Variants in APLNR observed in about 807,000 individuals in gnomAD.
The protein encoded by APLNR is apelin receptor, also known as APJ (apelin) receptor.
Under a neutral mutation model 23.4 loss-of-function variants are expected in APLNR, and 13 were observed. The observed-to-expected ratio is 0.56, with a 90% CI of 0.36 to 0.88. The LOEUF (loss-of-function observed/expected upper bound fraction) is 0.88, where lower values mean the gene tolerates loss of function less well. Among genes scored for constraint, APLNR ranks in the 40% least tolerant of loss-of-function variants. APLNR has a pLI of 0.01. For synonymous variants in APLNR, 234 were observed against 211.9 expected (o/e 1.10, Z -0.91); for missense variants, 480 against 517.1 (o/e 0.93, Z 0.70).
At position 57,236,648 on chromosome 11, in the gene APLNR, G is replaced by A. The variant is rs1855019804; in HGVS notation, c.357C>T (p.Cys119=). Residue 119 remains cysteine, a synonymous_variant, in exon 1 of 1, where the codon TGC becomes TGT. Transcript: ENST00000606794. ...AGCGGTCGAAGCTGAGGCCGGTGAGGCAGAAGACGCTGGCGTACATGTTGA... is the reference window on the plus strand; with the variant it reads ...AGCGGTCGAAGCTGAGGCCGGTGAGACAGAAGACGCTGGCGTACATGTTGA... The part of the protein sequence containing the change: ...IFVNMYASVF[C]LTGLSFDRYL... 6.2e-7 allele frequency: 1 copy of A among 1,607,920 alleles called. No individual in the cohort carries two copies. Among genetic ancestry groups the A allele is most frequent in the Admixed American group, 1.7e-5 (1 of 59,520 alleles).
chr11:57,236,767 C>A lies in APLNR; in HGVS notation c.238G>T (p.Val80Leu). The change falls in exon 1 of 1, where the codon GTG becomes TTG. Residue 80 changes from valine to leucine, a missense_variant. Physicochemically the swap from Val to Leu is conservative, Grantham distance 32 (BLOSUM62 1). Coordinates refer to ENST00000606794, the MANE Select transcript of APLNR (RefSeq NM_005161.6). ...SLAVADLTFV[V>L]TLPLWATYTY... Reference sequence around the variant, plus strand: ...TAGGTAGCCCACAGGGGCAGCGTCACCACGAAGGTCAGGTCAGCCACCGCC... The same window carrying A: ...TAGGTAGCCCACAGGGGCAGCGTCAACACGAAGGTCAGGTCAGCCACCGCC... 6.2e-7 allele frequency: 1 copy of A among 1,614,160 alleles called. No homozygotes were observed. Among genetic ancestry groups the A allele is most frequent in the South Asian group, 1.1e-5 (1 of 91,086 alleles).
chr11:57,234,377 A>G lies in APLNR; in HGVS notation c.*1485T>C, dbSNP rs1022676346. The G allele has an allele frequency of 5.9e-5, 9 of 152,262 alleles. No homozygotes were observed. The highest frequency in any genetic ancestry group is 1.9e-4 in the African/African-American group (8 of 41,436). The allele number at this position is 152,262 out of a possible 1,614,324, so 9.4% of individuals were successfully genotyped here. The stretch of plus-strand genomic sequence containing the variant: ...CGGAAAGGGGCCAAGGGAGGCTCTC[A>G]ACTAGCCTCTTACTTCCTTCATGGA... On this transcript the variant is annotated 3_prime_UTR_variant, in exon 1 of 1. Coordinates refer to ENST00000606794, the MANE Select transcript of APLNR (RefSeq NM_005161.6).
Position 57,236,928 on chromosome 11 carries a change from G to A in APLNR, c.77C>T (p.Ser26Phe). Residue 26 changes from serine (S) to phenylalanine (F), a missense_variant, in exon 1 of 1, where the codon TCC becomes TTC. Transcript: ENST00000606794. ...GATGGCAGGGATGAGGGCCCCCGAGGATTTCCAGTCTGTGTACTCACACTC... is the reference window on the plus strand; with the variant it reads ...GATGGCAGGGATGAGGGCCCCCGAGAATTTCCAGTCTGTGTACTCACACTC... ...QSECEYTDWK[S>F]SGALIPAIYM... is the part of the protein sequence containing the mutation. 1 of 1,613,926 alleles carries A rather than the reference G, an allele frequency of 6.2e-7. No homozygotes were observed. The highest frequency in any genetic ancestry group is 8.5e-7 in the Non-Finnish European group (1 of 1,179,988).
rs147023435 is a variant in APLNR at position 57,235,836 on chromosome 11, C to A, written c.*26G>T. The A allele has an allele frequency of 1.3e-6, 2 of 1,569,722 alleles. No individual in the cohort carries two copies. Among genetic ancestry groups the A allele is most frequent in the East Asian group, 2.2e-5 (1 of 44,604 alleles). ...GGCAAAGGCCGGGGAGGGCCGAGGGCGCCAGGCTTCTCTCTGCTCCCAGCC... is the reference window on the plus strand; with the variant it reads ...GGCAAAGGCCGGGGAGGGCCGAGGGAGCCAGGCTTCTCTCTGCTCCCAGCC... On this transcript the variant is annotated 3_prime_UTR_variant, in exon 1 of 1. Coordinates refer to ENST00000606794, the MANE Select transcript of APLNR (RefSeq NM_005161.6).
rs1380549490 is a variant in APLNR at position 57,236,823 on chromosome 11, C to T, written c.182G>A (p.Arg61Lys). ...WTVFRSSREK[R>K]RSADIFIASL... The stretch of plus-strand genomic sequence containing the variant: ...AGCAATGAAGATATCAGCTGAGCGC[C>T]TCTTCTCCCGGCTGCTCCGAAACAC... Residue 61 changes from arginine to lysine, a missense_variant, in exon 1 of 1, where the codon AGG (arginine) becomes AAG (lysine). Physicochemically the swap from Arg to Lys is conservative, Grantham distance 26. Coordinates refer to ENST00000606794, the MANE Select transcript of APLNR (RefSeq NM_005161.6). 6.2e-7 allele frequency: 1 copy of T among 1,614,242 alleles called. No individual in the cohort carries two copies. Among genetic ancestry groups the T allele is most frequent in the Non-Finnish European group, 8.5e-7 (1 of 1,180,056 alleles).
chr11:57,236,242 C>T lies in APLNR; in HGVS notation c.763G>A (p.Val255Met). 6.2e-7 allele frequency: 1 copy of T among 1,613,948 alleles called. No individual in the cohort carries two copies. Among genetic ancestry groups the T allele is most frequent in the Non-Finnish European group, 8.5e-7 (1 of 1,179,896 alleles). The part of the protein sequence containing the change: ...RLLSIIVVLV[V>M]TFALCWMPYH... Reference sequence around the variant, plus strand: ...GGCATCCAGCACAGGGCAAAGGTCACCACCAGCACCACGATGATGCTGAGC... The same window carrying T: ...GGCATCCAGCACAGGGCAAAGGTCATCACCAGCACCACGATGATGCTGAGC... Residue 255 changes from valine to methionine, a missense_variant, in exon 1 of 1, where the codon GTG (valine) becomes ATG (methionine). Val to Met is a conservative substitution (Grantham distance 21). Transcript: ENST00000606794.
chr11:57,234,130 A>G lies in APLNR; in HGVS notation c.*1732T>C, dbSNP rs1158782846. On this transcript the variant is annotated 3_prime_UTR_variant, in exon 1 of 1. Coordinates refer to ENST00000606794, the MANE Select transcript of APLNR (RefSeq NM_005161.6). The stretch of plus-strand genomic sequence containing the variant: ...CCTCACGGTCTCTCTGGCAGTGTAG[A>G]CATCATGCTATCTGCACACTTGCTC... 1 of 152,306 alleles carries G rather than the reference A, an allele frequency of 6.6e-6. No homozygotes were observed. Among genetic ancestry groups the G allele is most frequent in the Admixed American group, 6.5e-5 (1 of 15,290 alleles). 9.4% of individuals were successfully genotyped at this position (152,306 alleles called of 1,614,324 possible). A position where few individuals can be genotyped will look rare whatever the true frequency, so the allele number is the denominator to read the frequency against.
chr11:57,237,127 A>T lies in APLNR; in HGVS notation c.-123T>A. ...CCTCAGAGAGTAAGAAGGGCTGAAG[A>T]TGCCCAGAGTCCTTCCCAGCACTCA... On this transcript the variant is annotated 5_prime_UTR_variant, in exon 1 of 1. Coordinates refer to ENST00000606794, the MANE Select transcript of APLNR (RefSeq NM_005161.6). 1 of 1,033,710 alleles carries T rather than the reference A, an allele frequency of 9.7e-7. No homozygotes were observed. Among genetic ancestry groups the T allele is most frequent in the East Asian group, 2.6e-5 (1 of 38,492 alleles). 64.0% of individuals were successfully genotyped at this position (1,033,710 alleles called of 1,614,324 possible). A position where few individuals can be genotyped will look rare whatever the true frequency, so the allele number is the denominator to read the frequency against.
rs748455109 is a variant in APLNR, at chr11:57,236,042, G to A, written c.963C>T (p.Thr321=). The part of the protein sequence containing the change: ...FFDPRFRQAC[T]SMLCCGQSRC... ...TGCTCTGGCCACAGCAGAGCATGGA[G>A]GTGCAGGCCTGGCGGAAGCGGGGGT... is the stretch of plus-strand genomic sequence containing the variant. The change falls in exon 1 of 1, where the codon ACC becomes ACT. Residue 321 remains threonine (T), a synonymous_variant. Transcript: ENST00000606794. 4.3e-6 allele frequency: 7 copies of A among 1,614,156 alleles called. No individual in the cohort carries two copies. The highest frequency in any genetic ancestry group is 1.7e-5 in the Admixed American group (1 of 60,014).
rs1473834737 is a variant in APLNR, at chr11:57,235,410, G to C, written c.*452C>G. On this transcript the variant is annotated 3_prime_UTR_variant, in exon 1 of 1. Coordinates refer to ENST00000606794, the MANE Select transcript of APLNR (RefSeq NM_005161.6). Reference sequence around the variant, plus strand: ...AGGATGGATGGAGGGAGGGGGACGAGCTGTAGGAGGGGATTGGTGCCAGAA... The same window carrying C: ...AGGATGGATGGAGGGAGGGGGACGACCTGTAGGAGGGGATTGGTGCCAGAA... 1 of 158,716 alleles carries C rather than the reference G, an allele frequency of 6.3e-6. No individual in the cohort carries two copies. The highest frequency in any genetic ancestry group is 2.4e-5 in the African/African-American group (1 of 41,508). The allele number at this position is 158,716 out of a possible 1,614,324, so 9.8% of individuals were successfully genotyped here.
Position 57,237,201 on chromosome 11 carries a change from T to G in APLNR, c.-197A>C, listed in dbSNP as rs1855029737. 1.7e-6 allele frequency: 1 copy of G among 586,406 alleles called. No individual in the cohort carries two copies. Among genetic ancestry groups the G allele is most frequent in the Non-Finnish European group, 3.0e-6 (1 of 332,218 alleles). 36.3% of individuals were successfully genotyped at this position (586,406 alleles called of 1,614,324 possible). ...CAGACCCTGGAGGAAGCCTGTCTCC[T>G]GCAGAATTTCCTCCACCCTCTCTTG... On this transcript the variant is annotated 5_prime_UTR_variant, in exon 1 of 1. Transcript: ENST00000606794.
chr11:57,236,189 C>T lies in APLNR; in HGVS notation c.816G>A (p.Met272Ile), dbSNP rs1216211812. ...AGGGCCAGTGCAGCAGGCTGCCCAG[C>T]ATGTACAGCGTCTTCACCAGGTGGT... The part of the protein sequence containing the change: ...MPYHLVKTLY[M>I]LGSLLHWPCD... Residue 272 changes from methionine to isoleucine, a missense_variant, in exon 1 of 1, where the codon ATG (methionine) becomes ATA (isoleucine). Physicochemically the swap from Met to Ile is conservative, Grantham distance 10. Transcript: ENST00000606794. The T allele has an allele frequency of 1.2e-6, 2 of 1,614,124 alleles. No homozygotes were observed. The highest frequency in any genetic ancestry group is 2.2e-5 in the South Asian group (2 of 91,082).
rs899816640 is a variant in APLNR, at chr11:57,235,500, G to GA, written c.*361dup. On this transcript the variant is annotated 3_prime_UTR_variant, in exon 1 of 1. Coordinates refer to ENST00000606794, the MANE Select transcript of APLNR (RefSeq NM_005161.6). ...GAAAAACTACAAGGAAAGAAGGGAG[G>GA]AAAGACGATTGCAGATCTAAGAAAG... 1.1e-5 allele frequency: 2 copies of GA among 180,264 alleles called. No homozygotes were observed. The highest frequency in any genetic ancestry group is 4.7e-5 in the African/African-American group (2 of 42,318). The allele number at this position is 180,264 out of a possible 1,614,324, so 11.2% of individuals were successfully genotyped here.
In APLNR at chr11:57,237,233, C is replaced by A; in HGVS notation, c.-229G>T. ...TTTCCTCCACCCTCTCTTGCCTTAC[C>A]CCCGTCTCAGTTAAGACACTTCCTT... is the stretch of plus-strand genomic sequence containing the variant. On this transcript the variant is annotated 5_prime_UTR_variant, in exon 1 of 1. Transcript: ENST00000606794. 1.9e-6 allele frequency: 1 copy of A among 537,882 alleles called. No homozygotes were observed. Among genetic ancestry groups the A allele is most frequent in the Non-Finnish European group, 3.3e-6 (1 of 299,618 alleles). 33.3% of individuals were successfully genotyped at this position (537,882 alleles called of 1,614,324 possible). A position where few individuals can be genotyped will look rare whatever the true frequency, so the allele number is the denominator to read the frequency against.
In APLNR at chr11:57,236,255, G is replaced by A. The variant is rs754117719; in HGVS notation, c.750C>T (p.Ile250=). 7.4e-6 allele frequency: 12 copies of A among 1,613,960 alleles called. No individual in the cohort carries two copies. Among genetic ancestry groups the A allele is most frequent in the Middle Eastern group, 1.6e-4 (1 of 6,082 alleles). ...GGGCAAAGGTCACCACCAGCACCACGATGATGCTGAGCAGCCGGCGCCGCT... is the reference window on the plus strand; with the variant it reads ...GGGCAAAGGTCACCACCAGCACCACAATGATGCTGAGCAGCCGGCGCCGCT... ...LRKRRRLLSI[I]VVLVVTFALC... is the part of the protein sequence containing the mutation. Residue 250 remains isoleucine, a synonymous_variant, in exon 1 of 1, where the codon ATC becomes ATT. Transcript: ENST00000606794.
In APLNR at chr11:57,235,527, A is replaced by C. The variant is rs1854996510; in HGVS notation, c.*335T>G. The C allele has an allele frequency of 4.7e-6, 1 of 212,950 alleles. No individual in the cohort carries two copies. Among genetic ancestry groups the C allele is most frequent in the Non-Finnish European group, 9.2e-6 (1 of 108,342 alleles). The allele number at this position is 212,950 out of a possible 1,614,324, so 13.2% of individuals were successfully genotyped here. On this transcript the variant is annotated 3_prime_UTR_variant, in exon 1 of 1. Transcript: ENST00000606794. The stretch of plus-strand genomic sequence containing the variant: ...AAGACGATTGCAGATCTAAGAAAGC[A>C]GCAGAGGGAAACAAGCTTTTACTGC...
At position 57,236,857 on chromosome 11, in the gene APLNR, G is replaced by A. The variant is rs776263345; in HGVS notation, c.148C>T (p.Leu50Phe). 6.2e-7 allele frequency: 1 copy of A among 1,614,212 alleles called. No individual in the cohort carries two copies. ...CGGCTGCTCCGAAACACGGTCCAGA[G>A]CACCAGACCGTTGCCCGTGGTGCCC... ...LLGTTGNGLV[L>F]WTVFRSSREK... is the part of the protein sequence containing the mutation. The change falls in exon 1 of 1, where the codon CTC (leucine) becomes TTC (phenylalanine). Residue 50 changes from leucine (L) to phenylalanine (F), a missense_variant. By Grantham distance (22) the Leu-to-Phe change is conservative. Coordinates refer to ENST00000606794, the MANE Select transcript of APLNR (RefSeq NM_005161.6).
At position 57,235,895 on chromosome 11, in the gene APLNR, G is replaced by A. The variant is rs1855001393; in HGVS notation, c.1110C>T (p.Ile370=). ...KGGEQMHEKS[I]PYSQETLVVD ...CCACAAGGGTCTCCTGGCTGTAGGGGATGGATTTCTCGTGCATCTGTTCTC... is the reference window on the plus strand; with the variant it reads ...CCACAAGGGTCTCCTGGCTGTAGGGAATGGATTTCTCGTGCATCTGTTCTC... The change falls in exon 1 of 1, where the codon ATC becomes ATT. Residue 370 remains isoleucine, a synonymous_variant. Coordinates refer to ENST00000606794, the MANE Select transcript of APLNR (RefSeq NM_005161.6). The A allele has an allele frequency of 6.2e-7, 1 of 1,613,038 alleles. No homozygotes were observed. Among genetic ancestry groups the A allele is most frequent in the Non-Finnish European group, 8.5e-7 (1 of 1,179,476 alleles).
Position 57,236,035 on chromosome 11 carries a change from G to A in APLNR, c.970C>T (p.Leu324Phe). 1.9e-6 allele frequency: 3 copies of A among 1,614,282 alleles called. No individual in the cohort carries two copies. The highest frequency in any genetic ancestry group is 1.3e-5 in the African/African-American group (1 of 75,084). ...GCGCACCTGCTCTGGCCACAGCAGA[G>A]CATGGAGGTGCAGGCCTGGCGGAAG... ...PRFRQACTSM[L>F]CCGQSRCAGT... Residue 324 changes from leucine to phenylalanine, a missense_variant, in exon 1 of 1, where the codon CTC becomes TTC. By Grantham distance (22) the Leu-to-Phe change is conservative. Coordinates refer to ENST00000606794, the MANE Select transcript of APLNR (RefSeq NM_005161.6).
Sources: allele counts gnomAD v4.1 joint callset, GRCh38; gene constraint gnomAD v4.1.1; transcripts MANE v1.5; gene names NCBI Gene and HGNC (gene_info 2026-07-23, HGNC 2026-07-21).